The following SUPT3H variants were observed in gnomAD, a reference collection of about 807,000 sequenced individuals.
The protein encoded by SUPT3H is SPT3 homolog, SAGA and STAGA complex component.
SUPT3H carries 44 observed loss-of-function variants against 44.3 expected under a neutral mutation model. That is an observed-to-expected ratio of 0.99 (90% CI 0.78 to 1.28). SUPT3H has a LOEUF of 1.28. SUPT3H is among the 50% of genes most tolerant of loss of function. The pLI, the probability that SUPT3H is intolerant of heterozygous loss-of-function variation, is 0.00. For synonymous variants in SUPT3H, 124 were observed against 125.6 expected (o/e 0.99, Z 0.09); for missense variants, 380 against 387.1 (o/e 0.98, Z 0.15).
At chr6:44,836,535 C>A (rs967888392) in intron 10 of SUPT3H, among the ~76,000 whole-genome samples, 2 of 152,044 alleles carry the variant, frequency 1.3e-5, no homozygotes, top group African/African-American at 4.8e-5. Context: ...CATTTTATGC[C>A]CGATTTTCCC....
At chr6:45,094,624 C>T (rs187693644) in intron 3 of SUPT3H, among the ~76,000 whole-genome samples, 1 of 152,052 alleles carries the variant, frequency 6.6e-6, no homozygotes, top group Admixed American at 6.5e-5. Context: ...GCATAAGAGG[C>T]ATTCTACACA....
At chr6:45,187,502 C>T (rs1318502100) in intron 2 of SUPT3H, among the ~76,000 whole-genome samples, 1 of 151,892 alleles carries the variant, frequency 6.6e-6, no homozygotes, top group Non-Finnish European at 1.5e-5. Flanking sequence ...TGTAAAACTC[C>T]TATTATATAA....
intron 2 of SUPT3H, among the ~76,000 whole-genome samples, chr6:45,294,867 A>T (rs200212937): frequency 1.3e-5 from 2 of 151,932 alleles, no homozygotes; most frequent in Admixed American, 1.3e-4. Flanking sequence ...ATGGAAACAC[A>T]TCCCATCCTA....
intron 2 of SUPT3H, among the ~76,000 whole-genome samples, chr6:45,111,033 CTTTT>C (rs5875909): frequency 2.3e-5 from 3 of 129,964 alleles, no homozygotes; most frequent in Admixed American, 7.6e-5. Context: ...ACAAACGATA[CTTTT>C]TTTTTTTTTT....
At chr6:44,823,496 G>A (rs991019407), downstream of SUPT3H, among the ~76,000 whole-genome samples, 9 of 152,094 alleles carry the variant, frequency 5.9e-5, no homozygotes, top group African/African-American at 1.7e-4. Flanking sequence ...CATAGGCCAC[G>A]CAGCCCTACC....
intron 2 of SUPT3H, among the ~76,000 whole-genome samples, chr6:45,166,240 C>T (rs896775107): frequency 2.6e-5 from 4 of 152,100 alleles, no homozygotes; most frequent in East Asian, 1.9e-4. Flanking sequence ...CTGCAGTGAG[C>T]GTGATTGCAC....
At chr6:45,211,721 T>C (rs1248873477) in intron 2 of SUPT3H, among the ~76,000 whole-genome samples, 4 of 152,072 alleles carry the variant, frequency 2.6e-5, no homozygotes, top group Non-Finnish European at 5.9e-5. Flanking sequence ...TGGTGGCATG[T>C]GCCTGTAATC....
intron 10 of SUPT3H, among the ~76,000 whole-genome samples, chr6:44,831,905 T>C (rs111426972): frequency 0.022 from 3,422 of 152,264 alleles, 133 homozygotes; most frequent in African/African-American, 0.078. Context: ...AGATTTTTTT[T>C]TAATAACTTA....
chr6:45,050,022 T>C (rs922240853), intron 3 of SUPT3H, among the ~76,000 whole-genome samples: 4 of 152,158 alleles, frequency 2.6e-5, no homozygotes, highest in African/African-American at 9.7e-5. Context: ...TGAAATCATA[T>C]ATGAAACCCC....
intron 3 of SUPT3H, among the ~76,000 whole-genome samples, chr6:45,029,543 A>G (rs958250446): frequency 6.6e-6 from 1 of 152,056 alleles, no homozygotes; most frequent in African/African-American, 2.4e-5. Flanking sequence ...TGTGATTTAA[A>G]TGTGAAATTA....
At chr6:44,826,466 C>T (rs905192167), downstream of SUPT3H, among the ~76,000 whole-genome samples, 1 of 152,138 alleles carries the variant, frequency 6.6e-6, no homozygotes, top group Non-Finnish European at 1.5e-5. Flanking sequence ...TGTTTATGTA[C>T]TATGAAATGT....
intron 2 of SUPT3H, among the ~76,000 whole-genome samples, chr6:45,106,913 G>C (rs897482678): frequency 2.0e-5 from 3 of 152,172 alleles, no homozygotes; most frequent in Non-Finnish European, 2.9e-5. Context: ...CTGGCAACCA[G>C]CAAATCATGT....
At chr6:45,142,965 G>A (rs1166527045) in intron 2 of SUPT3H, among the ~76,000 whole-genome samples, 1 of 151,472 alleles carries the variant, frequency 6.6e-6, no homozygotes, top group Non-Finnish European at 1.5e-5. Flanking sequence ...AAAAGACAAA[G>A]AGGGACATTA....
At chr6:45,045,256 T>C (rs1000232851) in intron 3 of SUPT3H, among the ~76,000 whole-genome samples, 2 of 152,072 alleles carry the variant, frequency 1.3e-5, no homozygotes, top group African/African-American at 4.8e-5. Flanking sequence ...GGGACCATAC[T>C]TTGAGAACTA....
intron 2 of SUPT3H, among the ~76,000 whole-genome samples, chr6:45,123,983 G>C (rs541022109): frequency 2.1e-4 from 32 of 152,194 alleles, no homozygotes; most frequent in African/African-American, 3.4e-4. Flanking sequence ...ACAGGCTGCT[G>C]AACAAAAACA....
chr6:44,997,384 T>C (rs1781408234), intron 6 of SUPT3H, among the ~76,000 whole-genome samples: 1 of 151,840 alleles, frequency 6.6e-6, no homozygotes. Flanking sequence ...TTTGTTAATA[T>C]AAAGTTCATC....
intron 10 of SUPT3H, among the ~76,000 whole-genome samples, chr6:44,857,237 A>C (rs987087973): frequency 1.3e-5 from 2 of 152,166 alleles, no homozygotes; most frequent in African/African-American, 4.8e-5. Flanking sequence ...ATAAAGCATC[A>C]CTTATAATAC....
At chr6:44,861,943 C>G (rs1774731881) in intron 10 of SUPT3H, among the ~76,000 whole-genome samples, 1 of 152,154 alleles carries the variant, frequency 6.6e-6, no homozygotes, top group South Asian at 2.1e-4. Flanking sequence ...GCTGAAGTTT[C>G]AAAGCCACTG....
intron 2 of SUPT3H, among the ~76,000 whole-genome samples, chr6:45,281,275 A>G (rs1778008289): frequency 6.6e-6 from 1 of 152,180 alleles, no homozygotes; most frequent in African/African-American, 2.4e-5. Flanking sequence ...ACCAAGCATA[A>G]ATCGAAGTAG....
Sources: allele counts gnomAD v4.1 joint callset (sites outside exome capture counted in the v4.1 genomes callset), GRCh38; gene constraint gnomAD v4.1.1; transcripts MANE v1.5; gene names NCBI Gene and HGNC (gene_info 2026-07-23, HGNC 2026-07-21).